The following ASIC2 variants were observed in gnomAD, a reference collection of about 807,000 sequenced individuals.
ASIC2 encodes acid sensing ion channel subunit 2.
In ASIC2, 25 loss-of-function variants were observed where a neutral mutation model predicts 57.3. The ratio of observed to expected loss-of-function variants is 0.44; its 90% CI spans 0.32 to 0.61. ASIC2 has a LOEUF of 0.61. Among genes scored for constraint, ASIC2 ranks in the 20% least tolerant of loss-of-function variants. The pLI, the probability that ASIC2 is intolerant of heterozygous loss-of-function variation, is 0.06. For missense variants in ASIC2, 641 were observed against 738.1 expected (o/e 0.87, Z 1.52); for synonymous variants, 319 against 307.5 (o/e 1.04, Z -0.39).
intron 1 of ASIC2, among the ~76,000 whole-genome samples, chr17:33,664,042 G>T (rs1907388866): frequency 6.6e-6 from 1 of 152,096 alleles, no homozygotes. Flanking sequence ...CCTTTGAAAT[G>T]CGTCCTATAA....
In ASIC2 at chr17:33,548,374, C is replaced by A. The variant is rs74796201; in HGVS notation, c.556-436307G>T. ...CGTTCCCCTTTATGGGCTAAAGATACGCTCAGGAGGAGACATGGCTCTGTG... is the reference window on the plus strand; with the variant it reads ...CGTTCCCCTTTATGGGCTAAAGATAAGCTCAGGAGGAGACATGGCTCTGTG... On this transcript the variant is annotated intron_variant, in intron 1 of 9. Coordinates refer to the ASIC2 transcript ENST00000359872. Among the ~76,000 whole-genome samples the A allele has an allele frequency of 3.1e-4, 47 of 152,300 alleles. No individual in the cohort carries two copies. The East Asian group carries it at 7.0e-3, about 23-fold the overall frequency.
chr17:34,138,203 A>G (rs1254305596), intron 1 of ASIC2, among the ~76,000 whole-genome samples: 5 of 152,154 alleles, frequency 3.3e-5, no homozygotes, highest in Admixed American at 2.0e-4. Context: ...TCAGTCCTCA[A>G]TACAGAATGA....
intron 1 of ASIC2, among the ~76,000 whole-genome samples, chr17:34,148,013 A>C (rs751263814): frequency 2.6e-5 from 4 of 152,166 alleles, no homozygotes; most frequent in Admixed American, 6.5e-5. Context: ...CACTTTACCA[A>C]AATTTTGTTA....
intron 1 of ASIC2, among the ~76,000 whole-genome samples, chr17:33,470,618 A>C (rs1342167626): frequency 6.6e-6 from 1 of 152,174 alleles, no homozygotes; most frequent in Non-Finnish European, 1.5e-5. Context: ...GTGATCACTA[A>C]AGCCATCACC....
At chr17:34,088,053 C>T (rs952052965) in intron 1 of ASIC2, among the ~76,000 whole-genome samples, 2 of 152,354 alleles carry the variant, frequency 1.3e-5, no homozygotes, top group Non-Finnish European at 2.9e-5. Flanking sequence ...CAAAGTCATT[C>T]TCCATCCAGC....
At chr17:33,710,646 C>T (rs184837456) in intron 1 of ASIC2, among the ~76,000 whole-genome samples, 52 of 152,236 alleles carry the variant, frequency 3.4e-4, no homozygotes, top group East Asian at 3.3e-3. Context: ...TGGTAAAATA[C>T]GATTGGTGAA....
chr17:33,349,618 G>A (rs528832285), intron 1 of ASIC2, among the ~76,000 whole-genome samples: 26 of 152,184 alleles, frequency 1.7e-4, no homozygotes, highest in African/African-American at 4.1e-4. Flanking sequence ...TTTCAAAGTG[G>A]TTTAGGTGGC....
At chr17:33,462,361 T>A (rs185908885) in intron 1 of ASIC2, among the ~76,000 whole-genome samples, 1 of 152,206 alleles carries the variant, frequency 6.6e-6, no homozygotes, top group Admixed American at 6.5e-5. Context: ...GTGGAAGAGA[T>A]GTTTGATTAT....
At chr17:33,751,432 A>G (rs770038424) in intron 1 of ASIC2, among the ~76,000 whole-genome samples, 33 of 152,192 alleles carry the variant, frequency 2.2e-4, no homozygotes, top group Admixed American at 6.5e-4. Context: ...TTCTGAAGAG[A>G]TAAGATATAG....
Position 33,822,809 on chromosome 17 carries a change from TA to T in ASIC2, c.555+333168del, listed in dbSNP as rs370407463. Among the ~76,000 whole-genome samples the T allele has an allele frequency of 3.0e-3, 463 of 152,340 alleles. 4 individuals carry two copies. Among genetic ancestry groups the T allele is most frequent in the African/African-American group, 0.011 (443 of 41,586 alleles). ...AAAATTAGGGAAATTCTATACCTAATACCTTGGATCATGGCAGGAAAGATGT... is the reference window on the plus strand; with the variant it reads ...AAAATTAGGGAAATTCTATACCTAATCCTTGGATCATGGCAGGAAAGATGT... On this transcript the variant is annotated intron_variant, in intron 1 of 9. Coordinates refer to the ASIC2 transcript ENST00000359872.
At chr17:33,290,370 A>T (rs544317188) in intron 1 of ASIC2, among the ~76,000 whole-genome samples, 1 of 152,286 alleles carries the variant, frequency 6.6e-6, no homozygotes, top group Non-Finnish European at 1.5e-5. Flanking sequence ...CACACACACC[A>T]ACCTTCCCTG....
At chr17:34,104,014 G>C (rs1319272689) in intron 1 of ASIC2, among the ~76,000 whole-genome samples, 1 of 151,936 alleles carries the variant, frequency 6.6e-6, no homozygotes, top group Middle Eastern at 3.2e-3. Context: ...GTTTTGATTT[G>C]AATCATGTCG....
intron 1 of ASIC2, among the ~76,000 whole-genome samples, chr17:33,744,617 A>T (rs951514547): frequency 6.6e-6 from 1 of 152,224 alleles, no homozygotes; most frequent in East Asian, 1.9e-4. Context: ...ATAATGTATT[A>T]CCTAAAGCAT....
Position 33,166,311 on chromosome 17 carries a change from A to G in ASIC2, c.709-54244T>C, listed in dbSNP as rs1240034816. 3.3e-5 allele frequency among the ~76,000 whole-genome samples: 5 copies of G among 152,320 alleles called. No homozygotes were observed. In the East Asian group the frequency reaches 9.6e-4, roughly 29 times the overall value. ...TTGACCCATAATAGGTGCTTATTAA[A>G]TGTTACTTCCTTTGCTGTCTTCTCT... On this transcript the variant is annotated intron_variant, in intron 1 of 9. Transcript: ENST00000225823.
intron 1 of ASIC2, among the ~76,000 whole-genome samples, chr17:33,432,574 C>A (rs752026276): frequency 6.6e-6 from 1 of 152,126 alleles, no homozygotes; most frequent in African/African-American, 2.4e-5. Flanking sequence ...TTCCTTAGGA[C>A]TTTTTTAACA....
chr17:33,154,990 C>T (rs1904940417), intron 1 of ASIC2, among the ~76,000 whole-genome samples: 1 of 152,114 alleles, frequency 6.6e-6, no homozygotes, highest in Non-Finnish European at 1.5e-5. Context: ...AGTCTCTGGG[C>T]TGTCTTTCAC....
intron 1 of ASIC2, among the ~76,000 whole-genome samples, chr17:33,532,540 C>A (rs750357951): frequency 6.6e-6 from 1 of 152,084 alleles, no homozygotes; most frequent in Non-Finnish European, 1.5e-5. Flanking sequence ...CTTGGGACAG[C>A]AGAGCAAGTG....
chr17:33,617,246 G>A (rs962274202), intron 1 of ASIC2, among the ~76,000 whole-genome samples: 1 of 152,100 alleles, frequency 6.6e-6, no homozygotes, highest in Non-Finnish European at 1.5e-5. Flanking sequence ...ACATAGCAAA[G>A]ACATGGAATC....
intron 1 of ASIC2, among the ~76,000 whole-genome samples, chr17:33,225,724 A>AG (rs1177441107): frequency 1.3e-5 from 2 of 152,188 alleles, no homozygotes; most frequent in Non-Finnish European, 2.9e-5. Context: ...CAAACTATGC[A>AG]GGCAGCCTGA....
Sources: gnomAD v4.1 joint callset for allele counts (sites outside exome capture counted in the v4.1 genomes callset) on GRCh38, gnomAD v4.1.1 for gene constraint, MANE v1.5 for transcripts, NCBI Gene and HGNC (gene_info 2026-07-23, HGNC 2026-07-21) for gene names.